The following UNC13A variants were observed in gnomAD, a reference collection of about 807,000 sequenced individuals.
The protein encoded by UNC13A is unc-13 homolog A.
UNC13A carries 61 observed loss-of-function variants against 219.7 expected under a neutral mutation model. The observed-to-expected ratio is 0.28, with a 90% CI of 0.23 to 0.34. The LOEUF is 0.34. Ranked by LOEUF, UNC13A falls within the 10% of genes least tolerant of loss-of-function variation. UNC13A has a pLI of 1.00. For missense variants in UNC13A, 1,476 were observed against 2,270.3 expected (o/e 0.65, Z 7.11); for synonymous variants, 920 against 884.6 (o/e 1.04, Z -0.71).
rs149871276 is a variant in UNC13A at position 17,642,938 on chromosome 19, G to A, written c.2379C>T (p.Ala793=). 969 of 1,608,778 alleles carry A rather than the reference G, an allele frequency of 6.0e-4. 6 individuals are homozygous for A. The African/African-American group carries it at 0.011, about 18-fold the overall frequency. Residue 793 remains alanine, a synonymous_variant, in exon 20 of 44, where the codon GCC becomes GCT. Transcript: ENST00000519716. ...YNLDKRTDKS[A]VSGAIRLHIS... is the part of the protein sequence containing the mutation. Reference sequence around the variant, plus strand: ...TGTGGAGCCGGATGGCACCCGACACGGCAGATTTGTCAGTTCGCTTGTCTG... The same window carrying A: ...TGTGGAGCCGGATGGCACCCGACACAGCAGATTTGTCAGTTCGCTTGTCTG...
chr19:17,639,889 A>T lies in UNC13A; in HGVS notation c.2807T>A (p.Leu936His). ...CAGGGAGTTATGCAGCTGGTCCAGG[A>T]GTTTCACGAAGCGCTCTTTCTGAGG... is the stretch of plus-strand genomic sequence containing the variant. ...SNFGKERFVK[L>H]LDQLHNSLRI... The change falls in exon 23 of 44, where the codon CTC (leucine) becomes CAC (histidine). Residue 936 changes from leucine to histidine, a missense_variant. This residue lies in a region of UNC13A where 140 missense variants were observed against 270.9 expected (regional missense o/e 0.52). Transcript: ENST00000519716. 1 of 1,613,764 alleles carries T rather than the reference A, an allele frequency of 6.2e-7. No individual in the cohort carries two copies. The highest frequency in any genetic ancestry group is 8.5e-7 in the Non-Finnish European group (1 of 1,179,816).
chr19:17,645,528 G>C, intron 19 of UNC13A, 146 bp downstream of exon 19: 1 of 1,171,058 alleles, frequency 8.5e-7, no homozygotes, highest in Non-Finnish European at 1.2e-6. Context: ...ATCAAACTGG[G>C]CTCCTAGACC....
At chr19:17,644,130 G>A (rs750694794) in intron 19 of UNC13A, among the ~76,000 whole-genome samples, 2 of 152,120 alleles carry the variant, frequency 1.3e-5, no homozygotes, top group African/African-American at 2.4e-5. Context: ...ATCTGTAGCA[G>A]CCATCTCAGA....
intron 19 of UNC13A, among the ~76,000 whole-genome samples, chr19:17,643,866 G>T (rs565039749): frequency 4.2e-4 from 62 of 146,794 alleles, no homozygotes; most frequent in Admixed American, 2.2e-3. Context: ...ATGCTCCCCG[G>T]AGACTACACA....
chr19:17,639,748 G>A (rs190295329), intron 23 of UNC13A, 92 bp downstream of exon 23: 262 of 1,430,164 alleles, frequency 1.8e-4, no homozygotes, highest in Admixed American at 2.4e-4. Context: ...TGCGAAGATG[G>A]GTCCTCCCAT....
At chr19:17,631,159 C>A (rs1341490507) in intron 28 of UNC13A, among the ~76,000 whole-genome samples, 18 of 21,446 alleles carry the variant, frequency 8.4e-4, no homozygotes, top group Non-Finnish European at 1.2e-3. Context: ...TGTTTTCTCC[C>A]TCCCTCCCTC....
At chr19:17,607,848 C>A (rs2076550572) in intron 43 of UNC13A, among the ~76,000 whole-genome samples, 1 of 150,690 alleles carries the variant, frequency 6.6e-6, no homozygotes, top group Non-Finnish European at 1.5e-5. Context: ...TTGCTAACCA[C>A]CACCATCCAT....
In UNC13A at chr19:17,604,272, G is replaced by C. The variant is rs1052537951; in HGVS notation, c.*1782C>G. 3 of 152,052 alleles carry C rather than the reference G, an allele frequency of 2.0e-5. No individual in the cohort carries two copies. Among genetic ancestry groups the C allele is most frequent in the Non-Finnish European group, 2.9e-5 (2 of 68,046 alleles). The allele number at this position is 152,052 out of a possible 1,614,324, so 9.4% of individuals were successfully genotyped here. A position where few individuals can be genotyped will look rare whatever the true frequency, so the allele number is the denominator to read the frequency against. On this transcript the variant is annotated 3_prime_UTR_variant, in exon 44 of 44. Transcript: ENST00000519716. ...AAACAGCTCCTGGAGCTCCCCAACT[G>C]TCTTAGAATAAAAGTAAAACTCCTC...
At chr19:17,677,662 G>T (rs535834791) in intron 1 of UNC13A, among the ~76,000 whole-genome samples, 1 of 152,082 alleles carries the variant, frequency 6.6e-6, no homozygotes, top group African/African-American at 2.4e-5. Context: ...CTGCCACACC[G>T]GCCCCTTTTC....
At chr19:17,614,365 G>C (rs2076638499) in intron 41 of UNC13A, 1 of 152,152 alleles carries the variant, frequency 6.6e-6, no homozygotes, top group African/African-American at 2.4e-5. Context: ...TTGAATCATG[G>C]TGTGGTGGGC....
intron 43 of UNC13A, among the ~76,000 whole-genome samples, chr19:17,609,005 T>C (rs2076572158): frequency 6.8e-6 from 1 of 147,064 alleles, no homozygotes; most frequent in Non-Finnish European, 1.5e-5. Flanking sequence ...TTGCCCAGGC[T>C]GGAGTGCAAT....
chr19:17,649,625 C>T lies in UNC13A; in HGVS notation c.1440-38G>A, dbSNP rs1354450326. 3 of 1,610,716 alleles carry T rather than the reference C, an allele frequency of 1.9e-6. No homozygotes were observed. The highest frequency in any genetic ancestry group is 2.2e-5 in the South Asian group (2 of 90,978). On this transcript the variant is annotated intron_variant, in intron 12 of 43. Transcript: ENST00000519716. The surrounding 1 kb of genome is among the most constrained non-coding windows in gnomAD (Gnocchi z 4.4). Reference sequence around the variant, plus strand: ...GAGGGACACTGAGGGCCCAGATGTCCCTATTCCTCACATAGAGCCCTGGGG... The same window carrying T: ...GAGGGACACTGAGGGCCCAGATGTCTCTATTCCTCACATAGAGCCCTGGGG...
chr19:17,678,506 T>A (rs11669689), intron 1 of UNC13A, among the ~76,000 whole-genome samples: 38,135 of 152,014 alleles, frequency 0.25, 5,164 homozygotes, highest in Middle Eastern at 0.41. Context: ...TTCAGATTCC[T>A]GAGCTGTGTG....
intron 26 of UNC13A, 114 bp downstream of exon 26, chr19:17,635,910 C>A (rs1484972042): frequency 1.5e-5 from 20 of 1,318,420 alleles, no homozygotes; most frequent in Non-Finnish European, 1.6e-5. Flanking sequence ...CCACAATTAC[C>A]CCCAGGTGCA....
rs773483596 is a variant in UNC13A, at chr19:17,629,336, C to G, written c.3670-13G>C. The G allele has an allele frequency of 1.2e-6, 2 of 1,605,190 alleles. 1 individual carries two copies. Among genetic ancestry groups the G allele is most frequent in the South Asian group, 2.2e-5 (2 of 89,208 alleles). On this transcript the variant is annotated splice_polypyrimidine_tract_variant and intron_variant, in intron 30 of 43. Transcript: ENST00000519716. ...CATTACTGATGGTCTGGGGAAGACA[C>G]AGAGTGTGGGTGAGAGGAGAGGCTG...
At position 17,627,505 on chromosome 19, in the gene UNC13A, C is replaced by T; in HGVS notation, c.3920+4G>A. On this transcript the variant is annotated splice_donor_region_variant and intron_variant, in intron 33 of 43. Transcript: ENST00000519716. The surrounding 1 kb of genome is among the most constrained non-coding windows in gnomAD (Gnocchi z 4.7). The stretch of plus-strand genomic sequence containing the variant: ...ACTGCCCCCAGCCCTGGAGATGCTC[C>T]CACCTGGTAGCAAACACCCGGCTGA... 2 of 1,556,238 alleles carry T rather than the reference C, an allele frequency of 1.3e-6. No homozygotes were observed. Among genetic ancestry groups the T allele is most frequent in the Non-Finnish European group, 8.7e-7 (1 of 1,149,348 alleles).
intron 4 of UNC13A, among the ~76,000 whole-genome samples, chr19:17,670,266 A>G (rs2079759895): frequency 6.8e-6 from 1 of 146,676 alleles, no homozygotes; most frequent in South Asian, 2.2e-4. Context: ...TTTTTGAGAC[A>G]GAGTCTCTCT....
intron 1 of UNC13A, among the ~76,000 whole-genome samples, chr19:17,683,906 G>C (rs551182846): frequency 4.0e-5 from 6 of 151,860 alleles, no homozygotes; most frequent in Admixed American, 2.0e-4. Context: ...CTGGGCAGCA[G>C]GGCAAAACCC....
rs1305169939 is a variant in UNC13A at position 17,602,315 on chromosome 19, C to T, written c.*3739G>A. The T allele has an allele frequency of 6.6e-6, 1 of 152,478 alleles. No homozygotes were observed. The highest frequency in any genetic ancestry group is 1.5e-5 in the Non-Finnish European group (1 of 68,170). 9.4% of individuals were successfully genotyped at this position (152,478 alleles called of 1,614,324 possible). On this transcript the variant is annotated 3_prime_UTR_variant, in exon 44 of 44. Transcript: ENST00000519716. Reference sequence around the variant, plus strand: ...TTTCCACCTCTATGTCTCTCTCCATCTCTGTCTCTCTCCGTCCTCATCGGG... The same window carrying T: ...TTTCCACCTCTATGTCTCTCTCCATTTCTGTCTCTCTCCGTCCTCATCGGG...
Sources: gnomAD v4.1 joint callset for allele counts (sites outside exome capture counted in the v4.1 genomes callset) on GRCh38, gnomAD v4.1.1 for gene constraint, gnomAD v4.1.1 regional missense constraint, Gnocchi (gnomAD v3.1) non-coding constraint, MANE v1.5 for transcripts, NCBI Gene and HGNC (gene_info 2026-07-23, HGNC 2026-07-21) for gene names.